Variants in EXOC6B observed in about 807,000 individuals in gnomAD.
EXOC6B encodes the protein SEC15 homolog B.
Under a neutral mutation model 113.5 loss-of-function variants are expected in EXOC6B, and 54 were observed. The ratio of observed to expected loss-of-function variants is 0.48; its 90% CI spans 0.38 to 0.60. The LOEUF is 0.60. Among genes scored for constraint, EXOC6B ranks in the 20% least tolerant of loss-of-function variants. EXOC6B has a pLI of 0.00. For synonymous variants in EXOC6B, 357 were observed against 339.0 expected (o/e 1.05, Z -0.58); for missense variants, 797 against 977.5 (o/e 0.82, Z 2.46).
intron 8 of EXOC6B, among the ~76,000 whole-genome samples, chr2:72,536,312 T>C (rs1305760346): frequency 1.3e-5 from 2 of 152,212 alleles, no homozygotes; most frequent in African/African-American, 4.8e-5. Context: ...TTTTAATTTA[T>C]ATAAATGAGA....
At chr2:72,407,573 T>A (rs1693866978) in intron 18 of EXOC6B, among the ~76,000 whole-genome samples, 1 of 152,106 alleles carries the variant, frequency 6.6e-6, no homozygotes, top group Non-Finnish European at 1.5e-5. Flanking sequence ...TGCAAATCAA[T>A]AAACGCAATC....
intron 1 of EXOC6B, among the ~76,000 whole-genome samples, chr2:72,759,752 A>G (rs1398760399): frequency 6.6e-6 from 1 of 152,226 alleles, no homozygotes; most frequent in African/African-American, 2.4e-5. Context: ...GTTAATCACA[A>G]AACATCAAGT....
In EXOC6B at chr2:72,741,478, A is replaced by G; in HGVS notation, c.114-9T>C. On this transcript the variant is annotated splice_polypyrimidine_tract_variant and intron_variant, in intron 1 of 21. Coordinates refer to ENST00000272427, the MANE Select transcript of EXOC6B (RefSeq NM_015189.3). ...CACCATCATAAACAGACCTTTAAAA[A>G]AAAATGGCACGAAGATTATACCATG... 1.3e-6 allele frequency: 2 copies of G among 1,596,122 alleles called. No homozygotes were observed. Among genetic ancestry groups the G allele is most frequent in the Admixed American group, 1.8e-5 (1 of 54,522 alleles).
At chr2:72,580,748 T>C (rs1369337854) in intron 6 of EXOC6B, among the ~76,000 whole-genome samples, 1 of 152,134 alleles carries the variant, frequency 6.6e-6, no homozygotes, top group African/African-American at 2.4e-5. Flanking sequence ...CCCTAGGACT[T>C]TTCTAATACC....
chr2:72,183,641 T>A (rs1678231744), intron 21 of EXOC6B, among the ~76,000 whole-genome samples: 1 of 152,066 alleles, frequency 6.6e-6, no homozygotes, highest in Admixed American at 6.6e-5. Flanking sequence ...TTCCAGGGAT[T>A]CTCTACTAGG....
At position 72,187,850 on chromosome 2, in the gene EXOC6B, T is replaced by A. The variant is rs148665803; in HGVS notation, c.2197-3663A>T. On this transcript the variant is annotated intron_variant, in intron 20 of 21. Coordinates refer to ENST00000272427, the MANE Select transcript of EXOC6B (RefSeq NM_015189.3). ...CTGCCCCATTCTGCCCAGGAACCTG[T>A]CTGCTTTCTGCTCCCATTCATGGCA... 5.8e-3 allele frequency among the ~76,000 whole-genome samples: 880 copies of A among 152,312 alleles called. 8 individuals carry two copies. Among genetic ancestry groups the A allele is most frequent in the African/African-American group, 0.02 (826 of 41,576 alleles).
chr2:72,656,934 C>T (rs1674621362), intron 6 of EXOC6B, among the ~76,000 whole-genome samples: 1 of 152,066 alleles, frequency 6.6e-6, no homozygotes, highest in Non-Finnish European at 1.5e-5. Flanking sequence ...TCACTGCAAC[C>T]TCCACCCCCT....
chr2:72,201,180 T>G (rs1267917496), intron 20 of EXOC6B, among the ~76,000 whole-genome samples: 1 of 152,206 alleles, frequency 6.6e-6, no homozygotes, highest in Non-Finnish European at 1.5e-5. Context: ...CAATCTTATG[T>G]TTTCAAGATC....
chr2:72,507,269 T>C (rs1340489284), intron 11 of EXOC6B, among the ~76,000 whole-genome samples: 4 of 152,112 alleles, frequency 2.6e-5, no homozygotes, highest in African/African-American at 9.7e-5. Context: ...ACTAATAAAA[T>C]AAATAGTGTC....
At chr2:72,237,011 T>C (rs1187177124) in intron 20 of EXOC6B, among the ~76,000 whole-genome samples, 1 of 152,102 alleles carries the variant, frequency 6.6e-6, no homozygotes, top group African/African-American at 2.4e-5. Context: ...ACATAGTTAA[T>C]ATTTCCTGAG....
At chr2:72,679,835 C>G (rs983374187) in intron 6 of EXOC6B, among the ~76,000 whole-genome samples, 1 of 152,100 alleles carries the variant, frequency 6.6e-6, no homozygotes, top group Admixed American at 6.6e-5. Context: ...GCAATGGTGA[C>G]CAGTCAAGGG....
At chr2:72,733,317 A>C (rs1294174014) in intron 2 of EXOC6B, among the ~76,000 whole-genome samples, 199 bp from the exon 3 acceptor site, 2 of 152,198 alleles carry the variant, frequency 1.3e-5, no homozygotes, top group Non-Finnish European at 2.9e-5. Context: ...CCTTTTGAAA[A>C]GAAAAATTTG....
At chr2:72,741,223 A>T in intron 2 of EXOC6B, 81 bp downstream of exon 2, 3 of 1,341,818 alleles carry the variant, frequency 2.2e-6, no homozygotes. Context: ...TATGTGTTCT[A>T]TGTTATAATC....
intron 6 of EXOC6B, among the ~76,000 whole-genome samples, chr2:72,701,267 G>T (rs1373683048): frequency 6.6e-6 from 1 of 150,888 alleles, no homozygotes; most frequent in Non-Finnish European, 1.5e-5. Context: ...ACTTGAACCA[G>T]GAAGTCAAAG....
chr2:72,618,241 T>C (rs1193448925), intron 6 of EXOC6B, among the ~76,000 whole-genome samples: 4 of 152,048 alleles, frequency 2.6e-5, no homozygotes, highest in Non-Finnish European at 5.9e-5. Flanking sequence ...TGGTGGCAGA[T>C]GCCTGTAATC....
chr2:72,787,169 C>A (rs1684420487), intron 1 of EXOC6B, among the ~76,000 whole-genome samples: 2 of 152,024 alleles, frequency 1.3e-5, no homozygotes, highest in East Asian at 3.9e-4. Flanking sequence ...TTTAAAAAGT[C>A]ATCTCAATCC....
intron 5 of EXOC6B, among the ~76,000 whole-genome samples, chr2:72,722,939 T>C (rs538454187): frequency 5.3e-5 from 8 of 152,284 alleles, no homozygotes; most frequent in Admixed American, 2.6e-4. Context: ...GGCTAATTAG[T>C]ACAAAACCCA....
rs767304107 is a variant in EXOC6B, at chr2:72,492,395, T to C, written c.1588A>G (p.Thr530Ala). Residue 530 changes from threonine (T) to alanine (A), a missense_variant, in exon 16 of 22, where the codon ACA becomes GCA. Physicochemically the swap from Thr to Ala is moderately conservative, Grantham distance 58. Transcript: ENST00000272427. ...TEVDDMIRKSTNLLLTRTLSN... is the reference protein window; with the variant it reads ...TEVDDMIRKSANLLLTRTLSN... ...AGAGTCCTGGTTAGCAACAGGTTTG[T>C]TGATTTCCGAATCATGTCATCAACT... 1.9e-5 allele frequency: 31 copies of C among 1,612,808 alleles called. No homozygotes were observed. Among genetic ancestry groups the C allele is most frequent in the Middle Eastern group, 1.6e-4 (1 of 6,078 alleles).
intron 20 of EXOC6B, among the ~76,000 whole-genome samples, chr2:72,314,798 G>T (rs1283802401): frequency 6.6e-6 from 1 of 152,140 alleles, no homozygotes; most frequent in African/African-American, 2.4e-5. Context: ...TAACCACTTA[G>T]TACTTAAAAC....
Sources: gnomAD v4.1 joint callset for allele counts (sites outside exome capture counted in the v4.1 genomes callset) on GRCh38, gnomAD v4.1.1 for gene constraint, MANE v1.5 for transcripts, NCBI Gene and HGNC (gene_info 2026-07-23, HGNC 2026-07-21) for gene names.